PAM: variants seen among roughly 807,000 people sequenced by gnomAD.
PAM encodes the protein peptidyl-glycine alpha-amidating monooxygenase.
A neutral mutation model predicts 122.1 loss-of-function variants in PAM; 72 were observed. The observed-to-expected ratio is 0.59, with a 90% CI of 0.49 to 0.72. PAM has a LOEUF of 0.72. Among genes scored for constraint, PAM ranks in the 30% least tolerant of loss-of-function variants. The pLI, the probability that PAM is intolerant of heterozygous loss-of-function variation, is 0.00. For synonymous variants in PAM, 389 were observed against 404.4 expected (o/e 0.96, Z 0.46); for missense variants, 1,106 against 1,183.7 (o/e 0.93, Z 0.96).
chr5:102,828,189 GA>G (rs558042734), intron 1 of PAM, among the ~76,000 whole-genome samples: 4 of 150,044 alleles, frequency 2.7e-5, no homozygotes, highest in Non-Finnish European at 5.9e-5. Flanking sequence ...AAATACAAAA[GA>G]AAAAAAAATA....
chr5:102,844,698 CA>C (rs557391423), intron 1 of PAM, among the ~76,000 whole-genome samples: 4 of 144,782 alleles, frequency 2.8e-5, no homozygotes, highest in Non-Finnish European at 1.5e-5. Context: ...TAAATAAAAA[CA>C]AAAAAAAGAA....
At chr5:102,793,249 C>T (rs187312286) in intron 1 of PAM, among the ~76,000 whole-genome samples, 2 of 152,122 alleles carry the variant, frequency 1.3e-5, no homozygotes, top group African/African-American at 4.8e-5. Context: ...GTAAATTGGG[C>T]TGGGTGCAGT....
At chr5:102,786,221 C>T (rs1469232745) in intron 1 of PAM, among the ~76,000 whole-genome samples, 1 of 152,188 alleles carries the variant, frequency 6.6e-6, no homozygotes, top group Non-Finnish European at 1.5e-5. Context: ...ATCCTGGAGC[C>T]AGACTGAGCT....
chr5:102,817,261 T>C (rs1295747695), intron 1 of PAM, among the ~76,000 whole-genome samples: 2 of 152,146 alleles, frequency 1.3e-5, no homozygotes, highest in Non-Finnish European at 2.9e-5. Flanking sequence ...TGACTTACTA[T>C]TATAATTAAA....
chr5:102,784,747 A>G (rs1760034775), intron 1 of PAM, among the ~76,000 whole-genome samples: 1 of 152,324 alleles, frequency 6.6e-6, no homozygotes, highest in East Asian at 1.9e-4. Flanking sequence ...CATTTACTAT[A>G]TATTATCTCA....
intron 21 of PAM, among the ~76,000 whole-genome samples, chr5:103,013,225 G>A (rs1781140303): frequency 6.6e-6 from 1 of 151,992 alleles, no homozygotes; most frequent in African/African-American, 2.4e-5. Context: ...CTTCTTGTGT[G>A]TGTCCTCTTC....
At chr5:102,881,689 C>CT (rs74272371) in intron 3 of PAM, among the ~76,000 whole-genome samples, 125 of 140,918 alleles carry the variant, frequency 8.9e-4, no homozygotes, top group Admixed American at 1.0e-3. Context: ...GTGATCCTAT[C>CT]TTTTTTTTTT....
chr5:102,966,769 T>C (rs1764203854), intron 14 of PAM, among the ~76,000 whole-genome samples: 1 of 152,186 alleles, frequency 6.6e-6, no homozygotes, highest in African/African-American at 2.4e-5. Context: ...ATTTTGTCAG[T>C]GGCTAAACTG....
intron 1 of PAM, among the ~76,000 whole-genome samples, chr5:102,831,873 TC>T (rs398109238): frequency 3.3e-4 from 6 of 18,080 alleles, no homozygotes; most frequent in Non-Finnish European, 6.8e-4. Flanking sequence ...GAACTAGTCT[TC>T]TCTCTCTCTC....
At chr5:103,024,981 G>C in intron 23 of PAM, 150 bp from the exon 24 acceptor site, 1 of 590,724 alleles carries the variant, frequency 1.7e-6, no homozygotes, top group South Asian at 2.2e-5. Flanking sequence ...TGCCAGTTTG[G>C]TAGATTCAGG....
intron 7 of PAM, among the ~76,000 whole-genome samples, chr5:102,942,441 A>T (rs1020598049): frequency 1.3e-5 from 2 of 152,160 alleles, no homozygotes; most frequent in African/African-American, 4.8e-5. Flanking sequence ...TAGTGATAAT[A>T]TAAAAATGAT....
chr5:102,936,609 C>T (rs181249670), intron 7 of PAM, among the ~76,000 whole-genome samples: 12 of 152,052 alleles, frequency 7.9e-5, no homozygotes, highest in Admixed American at 7.9e-4. Flanking sequence ...GAGCAAAAGT[C>T]AAGGAAAGAA....
At chr5:102,779,914 T>TAC (rs1459772603) in intron 1 of PAM, among the ~76,000 whole-genome samples, 2 of 65,506 alleles carry the variant, frequency 3.1e-5, no homozygotes, top group African/African-American at 1.3e-4. Context: ...TATATATATA[T>TAC]ATATACACAC....
At chr5:102,797,661 G>A (rs1004343267) in intron 1 of PAM, among the ~76,000 whole-genome samples, 1 of 152,144 alleles carries the variant, frequency 6.6e-6, no homozygotes, top group Non-Finnish European at 1.5e-5. Flanking sequence ...TGGTAGGAAA[G>A]AGAAGAGAAA....
intron 9 of PAM, 51 bp downstream of exon 9, chr5:102,948,496 G>A (rs758512848): frequency 1.2e-6 from 1 of 869,196 alleles, no homozygotes; most frequent in Non-Finnish European, 1.9e-6. Flanking sequence ...CTAATCTGTA[G>A]AAATGGATTT....
rs72500464 is a variant in PAM at position 102,885,081 on chromosome 5, C to CTATATATATATA, written c.211-16272_211-16261dup. ...ACACTTTAGCAACCTTGTTTAATAA[C>CTATATATATATA]TATATATATATATAACTATAAAAGC... On this transcript the variant is annotated intron_variant, in intron 3 of 25. Coordinates refer to ENST00000438793, the MANE Select transcript of PAM (RefSeq NM_001177306.2). Among the ~76,000 whole-genome samples the CTATATATATATA allele has an allele frequency of 7.1e-3, 952 of 133,586 alleles. 8 individuals are homozygous for CTATATATATATA. The highest frequency in any genetic ancestry group is 0.012 in the Non-Finnish European group (808 of 66,480). The allele number at this position is 133,586 out of a possible 152,430, so 87.6% of individuals were successfully genotyped here. A position where few individuals can be genotyped will look rare whatever the true frequency, so the allele number is the denominator to read the frequency against.
chr5:102,850,744 G>C (rs1165002570), intron 1 of PAM, among the ~76,000 whole-genome samples: 2 of 152,106 alleles, frequency 1.3e-5, no homozygotes, highest in Admixed American at 1.3e-4. Flanking sequence ...GCGGGGTGGT[G>C]GTACTTCAAG....
In PAM at chr5:102,932,638, A is replaced by AAAAT. The variant is rs571977496; in HGVS notation, c.526+5984_526+5987dup. Among the ~76,000 whole-genome samples the AAAAT allele has an allele frequency of 6.5e-4, 97 of 149,194 alleles. 1 individual carries two copies. The East Asian group carries it at 0.017, about 27-fold the overall frequency. Reference sequence around the variant, plus strand: ...GGGTGACAGAGTAAGACTCCATCTCAAAATAAATAAATAAATATATATATA... The same window carrying AAAAT: ...GGGTGACAGAGTAAGACTCCATCTCAAAATAAATAAATAAATAAATATATATATA... On this transcript the variant is annotated intron_variant, in intron 7 of 25. Transcript: ENST00000438793.
At chr5:102,950,494 T>C (rs1758503445) in intron 11 of PAM, among the ~76,000 whole-genome samples, 1 of 151,540 alleles carries the variant, frequency 6.6e-6, no homozygotes, top group Non-Finnish European at 1.5e-5. Context: ...AAGCTTCACA[T>C]TATTAAAGCA....
Sources: gnomAD v4.1 joint callset for allele counts (sites outside exome capture counted in the v4.1 genomes callset) on GRCh38, gnomAD v4.1.1 for gene constraint, MANE v1.5 for transcripts, NCBI Gene and HGNC (gene_info 2026-07-23, HGNC 2026-07-21) for gene names.